LINGO2: variants seen among roughly 807,000 people sequenced by gnomAD.
LINGO2 encodes the protein leucine rich repeat and Ig domain containing 2, also known as leucine-rich repeat and immunoglobulin-like domain-containing nogo receptor-interacting protein 2.
A neutral mutation model predicts 30.6 loss-of-function variants in LINGO2; 14 were observed. The ratio of observed to expected loss-of-function variants is 0.46; its 90% confidence interval spans 0.30 to 0.72. LINGO2 has a LOEUF of 0.72. Ranked by LOEUF, LINGO2 falls within the 30% of genes least tolerant of loss-of-function variation. The pLI, the probability that LINGO2 is intolerant of heterozygous loss-of-function variation, is 0.07. For synonymous variants in LINGO2, 317 were observed against 288.5 expected, an observed-to-expected ratio of 1.10 and a Z score of -1.00; for missense variants, 729 against 751.7, an observed-to-expected ratio of 0.97 and a Z score of 0.35.
At chr9:28,263,631 C>T (rs1164781264) in intron 4 of LINGO2, among the ~76,000 whole-genome samples, 1 of 151,990 alleles carries the variant, frequency 6.6e-6, no homozygotes, top group Admixed American at 6.6e-5. Context: ...AGAACATTTT[C>T]TCATGTGCCA....
intron 5 of LINGO2, among the ~76,000 whole-genome samples, chr9:27,986,803 C>A (rs1821146198): frequency 6.6e-6 from 1 of 151,798 alleles, no homozygotes; most frequent in Admixed American, 6.6e-5. Context: ...ATGCTTAAGA[C>A]TGGCCAAACG....
chr9:28,532,760 G>A (rs913619722), intron 1 of LINGO2, among the ~76,000 whole-genome samples: 1 of 152,036 alleles, frequency 6.6e-6, no homozygotes, highest in Non-Finnish European at 1.5e-5. Context: ...TGATTGTGGA[G>A]GATTGGGGAC....
chr9:28,035,879 AACACACACACACAAACACAC>A (rs1239558634), intron 4 of LINGO2, among the ~76,000 whole-genome samples: 1 of 101,376 alleles, frequency 9.9e-6, no homozygotes, highest in Non-Finnish European at 2.1e-5. Flanking sequence ...ATGATAGCAG[AACACACACACACAAACACAC>A]ACACACACAC....
chr9:28,354,933 A>G (rs1820107598), intron 3 of LINGO2, among the ~76,000 whole-genome samples: 1 of 152,172 alleles, frequency 6.6e-6, no homozygotes, highest in Non-Finnish European at 1.5e-5. Context: ...GCTGTTGTGC[A>G]TTGCTGAATT....
At chr9:28,055,307 G>A (rs1453725693) in intron 4 of LINGO2, among the ~76,000 whole-genome samples, 3 of 151,966 alleles carry the variant, frequency 2.0e-5, no homozygotes, top group East Asian at 1.9e-4. Context: ...AAATGGCTTA[G>A]TAATTTCTTG....
the LINGO2 span, among the ~76,000 whole-genome samples, chr9:29,093,791 C>A: frequency 2.9e-5 from 4 of 137,050 alleles, no homozygotes; most frequent in Admixed American, 1.5e-4. Flanking sequence ...TTAATATGTG[C>A]ATAAATGAGA....
At chr9:28,016,445 G>T (rs550301145) in intron 4 of LINGO2, among the ~76,000 whole-genome samples, 1 of 152,158 alleles carries the variant, frequency 6.6e-6, no homozygotes, top group East Asian at 1.9e-4. Flanking sequence ...ATAGGAAGGA[G>T]AACTGTATCT....
At chr9:28,759,646 C>A in the LINGO2 span, among the ~76,000 whole-genome samples, 72,158 of 150,910 alleles carry the variant, frequency 0.48, 20,023 homozygotes, top group African/African-American at 0.75. Flanking sequence ...CGCACCACTG[C>A]ACTCCAGCCT....
intron 2 of LINGO2, among the ~76,000 whole-genome samples, chr9:28,429,517 T>A (rs1823559478): frequency 6.6e-6 from 1 of 152,104 alleles, no homozygotes; most frequent in Non-Finnish European, 1.5e-5. Context: ...GAACTACCAA[T>A]ATGGAGCTGT....
At chr9:28,800,061 T>G in the LINGO2 span, among the ~76,000 whole-genome samples, 548 of 152,254 alleles carry the variant, frequency 3.6e-3, 3 homozygotes, top group African/African-American at 0.012. Context: ...GTATTTGACA[T>G]GTTGATGCTT....
intron 5 of LINGO2, among the ~76,000 whole-genome samples, chr9:27,985,081 T>TATAAATAC (rs1289129152): frequency 5.3e-5 from 8 of 151,912 alleles, no homozygotes; most frequent in Non-Finnish European, 8.8e-5. Context: ...TTAGGTGTGA[T>TATAAATAC]ATAAATACAT....
intron 2 of LINGO2, among the ~76,000 whole-genome samples, chr9:28,424,636 G>C (rs1823331654): frequency 6.6e-6 from 1 of 152,154 alleles, no homozygotes; most frequent in South Asian, 2.1e-4. Flanking sequence ...TAACATGTAA[G>C]CCGACGTCAT....
At chr9:29,189,001 GC>G in the LINGO2 span, among the ~76,000 whole-genome samples, 1 of 142,478 alleles carries the variant, frequency 7.0e-6, no homozygotes, top group South Asian at 2.2e-4. Context: ...GGCTGGCCGG[GC>G]GGGGGGCTGA....
At chr9:28,609,758 T>G (rs886661318) in intron 1 of LINGO2, among the ~76,000 whole-genome samples, 1 of 152,084 alleles carries the variant, frequency 6.6e-6, no homozygotes, top group Non-Finnish European at 1.5e-5. Context: ...TTGTCATAGA[T>G]AGTTATCTTA....
At chr9:28,953,484 T>A in the LINGO2 span, among the ~76,000 whole-genome samples, 1 of 152,052 alleles carries the variant, frequency 6.6e-6, no homozygotes, top group Non-Finnish European at 1.5e-5. Context: ...AATAAACCCA[T>A]AAAACAGTAA....
At chr9:28,456,389 T>G (rs16913140) in intron 2 of LINGO2, among the ~76,000 whole-genome samples, 3,115 of 152,312 alleles carry the variant, frequency 0.02, 100 homozygotes, top group East Asian at 0.1. Flanking sequence ...CTCCATTCTC[T>G]CTATGTCTTC....
chr9:28,207,405 T>C (rs7357752), intron 4 of LINGO2, among the ~76,000 whole-genome samples: 23,612 of 152,102 alleles, frequency 0.16, 1,999 homozygotes, highest in South Asian at 0.28. Context: ...ATAAGGATTT[T>C]AGACAGGCTA....
intron 1 of LINGO2, chr9:28,598,533 C>T (rs1446773118): frequency 1.3e-5 from 2 of 152,134 alleles, no homozygotes; most frequent in Admixed American, 1.3e-4. Flanking sequence ...GGCCAGGAGC[C>T]TGCCAAATGA....
At chr9:28,343,156 T>C (rs1407375609) in intron 3 of LINGO2, among the ~76,000 whole-genome samples, 1 of 152,196 alleles carries the variant, frequency 6.6e-6, no homozygotes, top group Admixed American at 6.5e-5. Flanking sequence ...ATAAGTGTTG[T>C]CTGTTTAGAA....
Sources: gnomAD v4.1 joint callset for allele counts (sites outside exome capture counted in the v4.1 genomes callset) on GRCh38, gnomAD v4.1.1 for gene constraint, MANE v1.5 for transcripts, NCBI Gene and HGNC (gene_info 2026-07-23, HGNC 2026-07-21) for gene names.